The following SLC14A2 variants were observed in gnomAD, a reference collection of about 807,000 sequenced individuals.
The protein encoded by SLC14A2 is urea transporter 2.
In SLC14A2, 91 loss-of-function variants were observed where a neutral mutation model predicts 104.6. The observed-to-expected ratio is 0.87, with a 90% CI of 0.73 to 1.04. SLC14A2 has a LOEUF of 1.04. Among genes scored for constraint, SLC14A2 ranks in the 50% least tolerant of loss-of-function variants. The probability of loss-of-function intolerance (pLI) is 0.00; values close to 1 mark genes in which losing one functional copy is unlikely to be tolerated. For synonymous variants in SLC14A2, 476 were observed against 466.4 expected (o/e 1.02, Z -0.27); for missense variants, 1,189 against 1,156.0 (o/e 1.03, Z -0.41).
At chr18:45,384,957 G>T (rs1434163044) in intron 1 of SLC14A2, among the ~76,000 whole-genome samples, 1 of 152,130 alleles carries the variant, frequency 6.6e-6, no homozygotes, top group Admixed American at 6.5e-5. Flanking sequence ...GATGAACAGG[G>T]AGCTTTTAAG....
chr18:45,246,651 C>T (rs1166919239), intron 1 of SLC14A2, among the ~76,000 whole-genome samples: 2 of 152,064 alleles, frequency 1.3e-5, no homozygotes, highest in Non-Finnish European at 2.9e-5. Flanking sequence ...TGGCTCACTG[C>T]AACCTCCGCC....
At chr18:45,463,934 G>A (rs570194790) in intron 1 of SLC14A2, among the ~76,000 whole-genome samples, 2 of 152,312 alleles carry the variant, frequency 1.3e-5, no homozygotes, top group African/African-American at 4.8e-5. Context: ...AGTCCAGGAG[G>A]ATTAGCCCTG....
chr18:45,592,465 G>A (rs1042779191), intron 2 of SLC14A2, among the ~76,000 whole-genome samples: 5 of 152,084 alleles, frequency 3.3e-5, no homozygotes, highest in African/African-American at 2.4e-5. Flanking sequence ...AACCCTAAGC[G>A]CCCCATTCCC....
intron 16 of SLC14A2, among the ~76,000 whole-genome samples, chr18:45,672,522 T>G (rs952369937): frequency 7.3e-6 from 1 of 136,468 alleles, no homozygotes. Context: ...AGAGCGAAAC[T>G]CCATCTCAAA....
chr18:45,594,104 A>T (rs542910013), intron 2 of SLC14A2, among the ~76,000 whole-genome samples: 2 of 152,166 alleles, frequency 1.3e-5, no homozygotes, highest in East Asian at 3.9e-4. Context: ...CTTGAATACT[A>T]GAGCACAGGG....
chr18:45,446,993 C>T (rs1456006539), intron 1 of SLC14A2, among the ~76,000 whole-genome samples: 1 of 152,152 alleles, frequency 6.6e-6, no homozygotes, highest in East Asian at 1.9e-4. Context: ...AAGAGAGACT[C>T]ATTCTCCTCT....
chr18:45,415,771 T>G (rs1056882501), intron 1 of SLC14A2, among the ~76,000 whole-genome samples: 1 of 152,150 alleles, frequency 6.6e-6, no homozygotes, highest in Non-Finnish European at 1.5e-5. Flanking sequence ...AGAGACCATA[T>G]CACAGCGATC....
chr18:45,198,761 G>A, the SLC14A2 span, among the ~76,000 whole-genome samples: 15 of 152,074 alleles, frequency 9.9e-5, no homozygotes, highest in Non-Finnish European at 2.2e-4. Flanking sequence ...ATGCACCAAG[G>A]AAGACCTTAG....
intron 1 of SLC14A2, among the ~76,000 whole-genome samples, chr18:45,432,828 C>T (rs1483205290): frequency 1.3e-5 from 2 of 152,162 alleles, no homozygotes; most frequent in Non-Finnish European, 2.9e-5. Context: ...GACTTACTGC[C>T]TGACCCTGAG....
At chr18:45,236,684 T>G (rs74623514) in intron 1 of SLC14A2, among the ~76,000 whole-genome samples, 3,707 of 151,864 alleles carry the variant, frequency 0.024, 97 homozygotes, top group Non-Finnish European at 0.034. Flanking sequence ...CTGATCTTGA[T>G]TCCATATCTT....
intron 19 of SLC14A2, among the ~76,000 whole-genome samples, chr18:45,681,482 A>G (rs1210573437): frequency 6.6e-6 from 1 of 152,204 alleles, no homozygotes; most frequent in Non-Finnish European, 1.5e-5. Flanking sequence ...AGCTATCTCA[A>G]ATGAAGAGTG....
chr18:45,460,051 T>G (rs1441777398), intron 1 of SLC14A2, among the ~76,000 whole-genome samples: 2 of 152,204 alleles, frequency 1.3e-5, no homozygotes, highest in Non-Finnish European at 2.9e-5. Flanking sequence ...CAGCTTCCTT[T>G]AGTACTTAAA....
chr18:45,394,369 T>G (rs1479855296), intron 1 of SLC14A2, among the ~76,000 whole-genome samples: 1 of 152,184 alleles, frequency 6.6e-6, no homozygotes, highest in East Asian at 1.9e-4. Context: ...GTATGTAAAT[T>G]GAAAATAGAC....
At chr18:45,343,819 A>G (rs1174083753) in intron 1 of SLC14A2, among the ~76,000 whole-genome samples, 2 of 152,160 alleles carry the variant, frequency 1.3e-5, no homozygotes, top group Non-Finnish European at 2.9e-5. Flanking sequence ...GAAATTTGAA[A>G]TCACCGCCTG....
At chr18:45,416,550 T>C (rs1433162106) in intron 1 of SLC14A2, among the ~76,000 whole-genome samples, 1 of 152,152 alleles carries the variant, frequency 6.6e-6, no homozygotes, top group African/African-American at 2.4e-5. Context: ...CATTCAAAAA[T>C]TCCTCTTTGG....
chr18:45,396,707 G>C (rs1267483421), intron 1 of SLC14A2, among the ~76,000 whole-genome samples: 1 of 148,622 alleles, frequency 6.7e-6, no homozygotes, highest in African/African-American at 2.5e-5. Flanking sequence ...TACATGCAAA[G>C]GTTTGTTACA....
chr18:45,235,811 GTGTATA>G (rs1357999958), intron 1 of SLC14A2, among the ~76,000 whole-genome samples: 1 of 101,114 alleles, frequency 9.9e-6, no homozygotes, highest in African/African-American at 4.6e-5. Context: ...GTGTGTGTGT[GTGTATA>G]TATATATATA....
At chr18:45,255,528 C>A (rs2144085888) in intron 1 of SLC14A2, among the ~76,000 whole-genome samples, 1 of 152,234 alleles carries the variant, frequency 6.6e-6, no homozygotes, top group African/African-American at 2.4e-5. Flanking sequence ...TTTAAAAGAC[C>A]CTTGATTGAA....
chr18:45,382,060 G>A (rs866493325), intron 1 of SLC14A2, among the ~76,000 whole-genome samples: 32 of 152,236 alleles, frequency 2.1e-4, no homozygotes, highest in Middle Eastern at 6.8e-3. Context: ...AATATTCAGG[G>A]CCTCAATCTC....
Sources: allele counts gnomAD v4.1 joint callset (sites outside exome capture counted in the v4.1 genomes callset), GRCh38; gene constraint gnomAD v4.1.1; transcripts MANE v1.5; gene names NCBI Gene and HGNC (gene_info 2026-07-23, HGNC 2026-07-21).